The following LTBP1 variants were observed in gnomAD, a reference collection of about 807,000 sequenced individuals.
The protein encoded by LTBP1 is latent-transforming growth factor beta-binding protein 1.
LTBP1 carries 129 observed loss-of-function variants against 207.6 expected under a neutral mutation model. The observed-to-expected ratio is 0.62, with a 90% confidence interval of 0.54 to 0.72. The LOEUF is 0.72. Among genes scored for constraint, LTBP1 ranks in the 30% least tolerant of loss-of-function variants. The pLI is 0.00. For synonymous variants in LTBP1, 963 were observed against 833.7 expected, an observed-to-expected ratio of 1.16 and a Z score of -2.67; for missense variants, 2,281 against 2,217.2, an observed-to-expected ratio of 1.03 and a Z score of -0.58.
intron 5 of LTBP1, among the ~76,000 whole-genome samples, chr2:33,176,815 G>T (rs2086109754): frequency 6.6e-6 from 1 of 152,124 alleles, no homozygotes; most frequent in Non-Finnish European, 1.5e-5. Context: ...TCGACACCTT[G>T]CACATCCCTT....
At position 33,347,410 on chromosome 2, in the gene LTBP1, C is replaced by A. The variant is rs1432322540; in HGVS notation, c.3900C>A (p.Ala1300=). Residue 1300 remains alanine, a synonymous_variant, in exon 26 of 34, where the codon GCC becomes GCA. Coordinates refer to ENST00000404816, the MANE Select transcript of LTBP1 (RefSeq NM_206943.4). ...CELLSGVCGE[A]FCENVEGSFL... ...TGCTCAGTGGGGTGTGTGGTGAAGCCTTCTGTGAAAACGTGGAAGGGTCCT... is the reference window on the plus strand; with the variant it reads ...TGCTCAGTGGGGTGTGTGGTGAAGCATTCTGTGAAAACGTGGAAGGGTCCT... 3 of 1,614,074 alleles carry A rather than the reference C, an allele frequency of 1.9e-6. No individual in the cohort carries two copies. In the Admixed American group the frequency reaches 5.0e-5, roughly 27 times the overall value.
intron 26 of LTBP1, among the ~76,000 whole-genome samples, chr2:33,350,691 G>A (rs1410894403): frequency 6.6e-6 from 1 of 151,628 alleles, no homozygotes; most frequent in African/African-American, 2.4e-5. Context: ...TGAAAAAGAA[G>A]TAACTAAAAA....
At chr2:33,258,777 T>C (rs2092930732) in intron 12 of LTBP1, among the ~76,000 whole-genome samples, 1 of 152,220 alleles carries the variant, frequency 6.6e-6, no homozygotes, top group Non-Finnish European at 1.5e-5. Flanking sequence ...GGTACCCTGA[T>C]TGCTTTCAGG....
In LTBP1 at chr2:33,172,011, T is replaced by G. The variant is rs2085506639; in HGVS notation, c.1202-14845T>G. On this transcript the variant is annotated intron_variant, in intron 5 of 33. Coordinates refer to ENST00000404816, the MANE Select transcript of LTBP1 (RefSeq NM_206943.4). ...CTAAAAGAGCTCCTGAAGGAAGCACTAAACATGGAAAGGAACAACCAGTAC... is the reference window on the plus strand; with the variant it reads ...CTAAAAGAGCTCCTGAAGGAAGCACGAAACATGGAAAGGAACAACCAGTAC... 2.0e-5 allele frequency among the ~76,000 whole-genome samples: 3 copies of G among 152,244 alleles called. No individual in the cohort carries two copies. In the South Asian group the frequency reaches 6.2e-4, roughly 32 times the overall value.
In LTBP1 at chr2:33,187,092, T is replaced by A; in HGVS notation, c.1426+12T>A. On this transcript the variant is annotated intron_variant, in intron 6 of 33. Coordinates refer to ENST00000404816, the MANE Select transcript of LTBP1 (RefSeq NM_206943.4). ...GCAAGGAGTCAAAGGTAAGCTTTTT[T>A]CATTCCGCCCATTTGCCAGACCTCT... 1 of 1,611,258 alleles carries A rather than the reference T, an allele frequency of 6.2e-7. No individual in the cohort carries two copies. Among genetic ancestry groups the A allele is most frequent in the Non-Finnish European group, 8.5e-7 (1 of 1,177,744 alleles).
intron 7 of LTBP1, among the ~76,000 whole-genome samples, chr2:33,211,930 G>A (rs770600401): frequency 2.0e-4 from 30 of 152,286 alleles, no homozygotes; most frequent in Non-Finnish European, 3.4e-4. Flanking sequence ...TATCAGGGAA[G>A]TGCTACAGTA....
intron 5 of LTBP1, among the ~76,000 whole-genome samples, chr2:33,176,228 C>T (rs1436343634): frequency 6.6e-6 from 1 of 151,212 alleles, no homozygotes. Flanking sequence ...ATTAATTAAT[C>T]TATTTATTTA....
chr2:33,059,900 A>G (rs17396842), intron 3 of LTBP1, among the ~76,000 whole-genome samples: 5,948 of 152,300 alleles, frequency 0.039, 196 homozygotes, highest in Non-Finnish European at 0.066. Flanking sequence ...AGATACATCT[A>G]TGGCAAATAG....
At chr2:33,011,319 A>G (rs1057240667) in intron 2 of LTBP1, among the ~76,000 whole-genome samples, 5 of 152,128 alleles carry the variant, frequency 3.3e-5, no homozygotes, top group Non-Finnish European at 7.4e-5. Flanking sequence ...AGGTGATGGT[A>G]GGGCTTATGG....
intron 9 of LTBP1, among the ~76,000 whole-genome samples, chr2:33,235,976 A>G (rs1177596957): frequency 6.6e-6 from 1 of 152,184 alleles, no homozygotes; most frequent in Admixed American, 6.5e-5. Flanking sequence ...TGGGTGCAGC[A>G]AACCACTATG....
intron 3 of LTBP1, among the ~76,000 whole-genome samples, chr2:33,042,189 T>C (rs1558552233): frequency 6.6e-6 from 1 of 152,246 alleles, no homozygotes; most frequent in Non-Finnish European, 1.5e-5. Context: ...ATGTTTTTAA[T>C]TGTGCTATTT....
chr2:32,982,803 A>T lies in LTBP1; in HGVS notation c.565+33858A>T, dbSNP rs219141. On this transcript the variant is annotated intron_variant, in intron 2 of 33. Coordinates refer to ENST00000404816, the MANE Select transcript of LTBP1 (RefSeq NM_206943.4). Reference sequence around the variant, plus strand: ...CAGAAGTCAAGAATTGAGGTTTGGGAACCTCCGCCTAGATTTCAAAGGATG... The same window carrying T: ...CAGAAGTCAAGAATTGAGGTTTGGGTACCTCCGCCTAGATTTCAAAGGATG... Among the ~76,000 whole-genome samples, 11 of 152,212 alleles carry T rather than the reference A, an allele frequency of 7.2e-5. No individual in the cohort carries two copies. The East Asian group carries it at 2.1e-3, about 29-fold the overall frequency.
intron 7 of LTBP1, among the ~76,000 whole-genome samples, chr2:33,202,364 A>G (rs2089405379): frequency 6.6e-6 from 1 of 152,194 alleles, no homozygotes; most frequent in South Asian, 2.1e-4. Context: ...GTCGATGCAG[A>G]TGAGATGGGC....
chr2:32,964,698 T>C (rs1289240722), intron 2 of LTBP1, among the ~76,000 whole-genome samples: 1 of 152,096 alleles, frequency 6.6e-6, no homozygotes, highest in African/African-American at 2.4e-5. Flanking sequence ...ATTACCTAAA[T>C]ACTAAGTAAA....
intron 21 of LTBP1, 91 bp from the exon 22 acceptor site, chr2:33,301,430 CT>C: frequency 7.1e-7 from 1 of 1,399,548 alleles, no homozygotes; most frequent in Middle Eastern, 1.9e-4. Flanking sequence ...TCAACATTGT[CT>C]TTCTAGAATT....
At chr2:33,108,023 G>A (rs902841348) in intron 3 of LTBP1, among the ~76,000 whole-genome samples, 1 of 152,220 alleles carries the variant, frequency 6.6e-6, no homozygotes, top group Non-Finnish European at 1.5e-5. Flanking sequence ...ATATGTATTT[G>A]TAAGACTGCA....
chr2:33,089,095 G>A (rs1253157184), intron 3 of LTBP1, among the ~76,000 whole-genome samples: 1 of 145,862 alleles, frequency 6.9e-6, no homozygotes, highest in Non-Finnish European at 1.5e-5. Context: ...GGTAAAGGTT[G>A]CAGTGAGCCA....
intron 19 of LTBP1, among the ~76,000 whole-genome samples, chr2:33,290,790 G>A (rs2093758832): frequency 6.6e-6 from 1 of 152,096 alleles, no homozygotes; most frequent in South Asian, 2.1e-4. Flanking sequence ...GACAGAGGAG[G>A]GGTCAGTTTT....
chr2:33,335,098 A>ACAGAGTGAGACCCT (rs1162233448), intron 24 of LTBP1, among the ~76,000 whole-genome samples: 1 of 151,760 alleles, frequency 6.6e-6, no homozygotes, highest in Non-Finnish European at 1.5e-5. Context: ...AGTGTGGGCA[A>ACAGAGTGAGACCCT]CAGAGTGAGA....
Sources: allele counts gnomAD v4.1 joint callset (sites outside exome capture counted in the v4.1 genomes callset), GRCh38; gene constraint gnomAD v4.1.1; transcripts MANE v1.5; gene names NCBI Gene and HGNC (gene_info 2026-07-23, HGNC 2026-07-21).